Variants in ARID4B observed in about 807,000 individuals in gnomAD.
ARID4B encodes AT-rich interactive domain-containing protein 4B.
ARID4B carries 26 observed loss-of-function variants against 147.5 expected under a neutral mutation model. The observed-to-expected ratio is 0.18, with a 90% CI of 0.13 to 0.24. The LOEUF (loss-of-function observed/expected upper bound fraction) is 0.24. Among genes scored for constraint, ARID4B ranks in the 10% least tolerant of loss-of-function variants. The probability of loss-of-function intolerance (pLI) is 1.00; values close to 1 mark genes in which losing one functional copy is unlikely to be tolerated. For missense variants in ARID4B, 1,179 were observed against 1,511.5 expected, an observed-to-expected ratio of 0.78 and a Z score of 3.65; for synonymous variants, 512 against 507.9, an observed-to-expected ratio of 1.01 and a Z score of -0.11.
intron 20 of ARID4B, among the ~76,000 whole-genome samples, chr1:235,179,914 C>T (rs1664180413): frequency 6.6e-6 from 1 of 151,214 alleles, no homozygotes; most frequent in African/African-American, 2.4e-5. Context: ...ACTAAAAATA[C>T]AAAAAATTAG....
intron 2 of ARID4B, among the ~76,000 whole-genome samples, chr1:235,307,626 T>C (rs560170820): frequency 6.6e-6 from 1 of 152,280 alleles, no homozygotes; most frequent in Admixed American, 6.5e-5. Context: ...TAGATCATAT[T>C]CTGTGTCATC....
In ARID4B at chr1:235,308,895, A is replaced by G. The variant is rs1351977961; in HGVS notation, c.6+18019T>C. ...AGAGTGCAGCCTCTGCCCGGCTGCC[A>G]CCCCATCTGGGAAGTGAGGAGCGTC... On this transcript the variant is annotated intron_variant, in intron 2 of 23. Coordinates refer to ENST00000264183, the MANE Select transcript of ARID4B (RefSeq NM_016374.6). 2.0e-5 allele frequency among the ~76,000 whole-genome samples: 3 copies of G among 151,788 alleles called. No homozygotes were observed. The East Asian group carries it at 5.8e-4, about 30-fold the overall frequency.
chr1:235,236,382 C>T (rs946604433), intron 8 of ARID4B, among the ~76,000 whole-genome samples: 7 of 151,824 alleles, frequency 4.6e-5, no homozygotes, highest in Non-Finnish European at 8.8e-5. Context: ...TTTTCATTTT[C>T]GTCAAAGAAA....
At chr1:235,253,013 C>T (rs1358564755) in intron 5 of ARID4B, among the ~76,000 whole-genome samples, 12 of 151,952 alleles carry the variant, frequency 7.9e-5, no homozygotes, top group African/African-American at 2.9e-4. Context: ...GAAAAAGAAA[C>T]AACATATATG....
chr1:235,325,616 G>C (rs900892441), intron 2 of ARID4B, among the ~76,000 whole-genome samples: 1 of 152,060 alleles, frequency 6.6e-6, no homozygotes, highest in African/African-American at 2.4e-5. Flanking sequence ...GTACATATAC[G>C]AGTTACCTAA....
rs193135788 is a variant in ARID4B at position 235,305,310 on chromosome 1, A to T, written c.6+21604T>A. ...GAGCCTGAAGAAGAAATGCCCAGTG[A>T]GACCCACGTCAGACCTCTGACTTCC... On this transcript the variant is annotated intron_variant, in intron 2 of 23. Coordinates refer to ENST00000264183, the MANE Select transcript of ARID4B (RefSeq NM_016374.6). Among the ~76,000 whole-genome samples, 31 of 152,276 alleles carry T rather than the reference A, an allele frequency of 2.0e-4. No homozygotes were observed. In the East Asian group the frequency reaches 5.8e-3, roughly 28 times the overall value.
chr1:235,226,142 T>C (rs1033496268), intron 11 of ARID4B, among the ~76,000 whole-genome samples: 6 of 152,222 alleles, frequency 3.9e-5, no homozygotes, highest in African/African-American at 1.4e-4. Flanking sequence ...ACTACAGATT[T>C]GCTTTTACAA....
chr1:235,288,795 G>A (rs1672145669), intron 2 of ARID4B, among the ~76,000 whole-genome samples: 1 of 152,114 alleles, frequency 6.6e-6, no homozygotes, highest in East Asian at 1.9e-4. Flanking sequence ...ATTCTCCCAA[G>A]GAATTTCTGA....
intron 2 of ARID4B, among the ~76,000 whole-genome samples, chr1:235,313,964 G>A (rs1674257464): frequency 6.6e-6 from 1 of 152,046 alleles, no homozygotes; most frequent in Non-Finnish European, 1.5e-5. Flanking sequence ...CTATCTCCCC[G>A]AAAGCCTACT....
intron 2 of ARID4B, 34 bp downstream of exon 2, chr1:235,326,880 A>C: frequency 6.2e-7 from 1 of 1,613,148 alleles, no homozygotes; most frequent in Non-Finnish European, 8.5e-7. Flanking sequence ...GAATTCGATA[A>C]CCCCAGAGAT....
intron 8 of ARID4B, among the ~76,000 whole-genome samples, chr1:235,235,646 A>C (rs1668504453): frequency 6.6e-6 from 1 of 152,222 alleles, no homozygotes; most frequent in African/African-American, 2.4e-5. Context: ...AGATCACCGT[A>C]AAGAAAATAC....
At chr1:235,208,677 T>TG (rs1666491825) in intron 17 of ARID4B, among the ~76,000 whole-genome samples, 1 of 79,766 alleles carries the variant, frequency 1.3e-5, no homozygotes, top group Non-Finnish European at 3.5e-5. Flanking sequence ...TAATTTTGTG[T>TG]TTTTTTTTAG....
intron 7 of ARID4B, among the ~76,000 whole-genome samples, chr1:235,243,827 C>T (rs987906216): frequency 5.3e-5 from 8 of 152,122 alleles, no homozygotes; most frequent in Non-Finnish European, 1.2e-4. Flanking sequence ...CTTAGAAACA[C>T]ACAGAACCTA....
chr1:235,212,167 C>T (rs1212901390), intron 17 of ARID4B, among the ~76,000 whole-genome samples: 1 of 152,074 alleles, frequency 6.6e-6, no homozygotes, highest in African/African-American at 2.4e-5. Flanking sequence ...ATCGCTTGAG[C>T]CTGGGAGGTG....
intron 19 of ARID4B, among the ~76,000 whole-genome samples, chr1:235,192,753 G>C (rs1266171325): frequency 6.6e-6 from 1 of 152,120 alleles, no homozygotes; most frequent in Admixed American, 6.6e-5. Context: ...AATCCTCATT[G>C]CTTTTATTAC....
intron 7 of ARID4B, among the ~76,000 whole-genome samples, chr1:235,244,394 T>TA (rs1385772813): frequency 1.3e-5 from 2 of 152,120 alleles, no homozygotes; most frequent in Non-Finnish European, 2.9e-5. Context: ...CTGGATGACT[T>TA]AAACACAATC....
intron 17 of ARID4B, among the ~76,000 whole-genome samples, chr1:235,201,480 C>T (rs1337568831): frequency 6.6e-6 from 1 of 152,106 alleles, no homozygotes; most frequent in Non-Finnish European, 1.5e-5. Flanking sequence ...TTCACCACCA[C>T]ACCTGGATAA....
At chr1:235,230,780 G>A (rs1032713990) in intron 10 of ARID4B, among the ~76,000 whole-genome samples, 3 of 151,692 alleles carry the variant, frequency 2.0e-5, no homozygotes, top group African/African-American at 4.8e-5. Context: ...AAAATTAGCC[G>A]GGCATGGCGG....
intron 8 of ARID4B, among the ~76,000 whole-genome samples, chr1:235,237,838 C>G (rs923280485): frequency 6.6e-6 from 1 of 152,104 alleles, no homozygotes; most frequent in Non-Finnish European, 1.5e-5. Flanking sequence ...GATTCTCAAG[C>G]ACAAATTGTA....
Sources: gnomAD v4.1 joint callset for allele counts (sites outside exome capture counted in the v4.1 genomes callset) on GRCh38, gnomAD v4.1.1 for gene constraint, MANE v1.5 for transcripts, NCBI Gene and HGNC (gene_info 2026-07-23, HGNC 2026-07-21) for gene names.